The following PIEZO2 variants were observed in gnomAD, a reference collection of about 807,000 sequenced individuals.
PIEZO2 encodes piezo-type mechanosensitive ion channel component 2.
In PIEZO2, 172 loss-of-function variants were observed where a neutral mutation model predicts 337.3. The ratio of observed to expected loss-of-function variants is 0.51; its 90% confidence interval spans 0.45 to 0.58. The LOEUF is 0.58. Among genes scored for constraint, PIEZO2 ranks in the 20% least tolerant of loss-of-function variants. PIEZO2 has a pLI of 0.00. For missense variants in PIEZO2, 3,028 were observed against 3,391.3 expected (o/e 0.89, Z 2.66); for synonymous variants, 1,251 against 1,228.5 (o/e 1.02, Z -0.38).
intron 49 of PIEZO2, among the ~76,000 whole-genome samples, chr18:10,684,076 TTTTCCTTC>T (rs1339432544): frequency 2.2e-5 from 2 of 92,398 alleles, no homozygotes; most frequent in Non-Finnish European, 4.8e-5. Context: ...CTTCCTTCCT[TTTTCCTTC>T]CTTCCTTCCT....
chr18:11,095,807 A>G (rs2146068339), intron 1 of PIEZO2, among the ~76,000 whole-genome samples: 1 of 152,338 alleles, frequency 6.6e-6, no homozygotes, highest in Non-Finnish European at 1.5e-5. Flanking sequence ...CCCGATGCAG[A>G]TGATCAGAGA....
At chr18:11,018,877 G>A (rs1423737131) in intron 2 of PIEZO2, among the ~76,000 whole-genome samples, 1 of 152,102 alleles carries the variant, frequency 6.6e-6, no homozygotes, top group Non-Finnish European at 1.5e-5. Context: ...TGTCTAAAAT[G>A]AATCTCTTAA....
chr18:10,761,179 C>T (rs543088244), intron 23 of PIEZO2, 68 bp from the exon 24 acceptor site: 2 of 1,289,216 alleles, frequency 1.6e-6, no homozygotes, highest in South Asian at 2.6e-5. Flanking sequence ...AAGCAATCCC[C>T]ACATTCTGCA....
intron 4 of PIEZO2, among the ~76,000 whole-genome samples, chr18:10,871,964 A>C (rs886819348): frequency 3.3e-5 from 5 of 152,162 alleles, no homozygotes; most frequent in Non-Finnish European, 7.3e-5. Context: ...TGAACTTAGA[A>C]GATTTGAGTT....
At chr18:11,054,832 C>A (rs2037657549) in intron 2 of PIEZO2, among the ~76,000 whole-genome samples, 1 of 152,102 alleles carries the variant, frequency 6.6e-6, no homozygotes, top group Admixed American at 6.6e-5. Flanking sequence ...ATGAGATGAT[C>A]CTGGGGTGTG....
intron 7 of PIEZO2, among the ~76,000 whole-genome samples, chr18:10,844,273 AG>A: frequency 6.6e-6 from 1 of 152,098 alleles, no homozygotes; most frequent in South Asian, 2.1e-4. Flanking sequence ...TGCGAAAATT[AG>A]CCGGGTGTGG....
Position 10,834,925 on chromosome 18 carries a change from T to C in PIEZO2, c.917+20428A>G, listed in dbSNP as rs969408408. ...TTTGTGTCCTCCAAAATTCTTAGGTTGAAGCCAAACTCCCCATGTGAAGGT... is the reference window on the plus strand; with the variant it reads ...TTTGTGTCCTCCAAAATTCTTAGGTCGAAGCCAAACTCCCCATGTGAAGGT... On this transcript the variant is annotated intron_variant, in intron 7 of 55. Transcript: ENST00000674853. This position sits in a 1 kb window ranked among gnomAD's most constrained non-coding sequence, Gnocchi z 4.5. Among the ~76,000 whole-genome samples, 1 of 152,220 alleles carries C rather than the reference T, an allele frequency of 6.6e-6. No homozygotes were observed. The highest frequency in any genetic ancestry group is 2.4e-5 in the African/African-American group (1 of 41,448).
chr18:10,696,459 T>A lies in PIEZO2; in HGVS notation c.6908A>T (p.Tyr2303Phe), dbSNP rs1199816242. The stretch of plus-strand genomic sequence containing the variant: ...AGTGTCAGCCAGGAACATGAGTACA[T>A]ACACGTCAGTCACGGCGCTATACTC... ...HPEYSAVTDV[Y>F]VLMFLADTVD... The change falls in exon 46 of 56, where the codon TAT becomes TTT. Residue 2303 changes from tyrosine (Y) to phenylalanine (F), a missense_variant. Transcript: ENST00000674853. The A allele has an allele frequency of 6.2e-7, 1 of 1,614,164 alleles. No homozygotes were observed. Among genetic ancestry groups the A allele is most frequent in the African/African-American group, 1.3e-5 (1 of 75,034 alleles).
At chr18:10,760,569 T>C (rs915558895) in intron 24 of PIEZO2, among the ~76,000 whole-genome samples, 1 of 152,196 alleles carries the variant, frequency 6.6e-6, no homozygotes, top group Non-Finnish European at 1.5e-5. Context: ...CCTCCCAAAG[T>C]GCTGGGATTA....
At position 10,974,854 on chromosome 18, in the gene PIEZO2, A is replaced by T. The variant is rs1276362320; in HGVS notation, c.286+4681T>A. On this transcript the variant is annotated intron_variant, in intron 3 of 55. Transcript: ENST00000674853. ...GCCAGGAGACCAGCCTCTTGATGTA[A>T]ATCAGAGGATTTCGCTGCTTCCCGC... is the stretch of plus-strand genomic sequence containing the variant. Among the ~76,000 whole-genome samples, 3 of 152,214 alleles carry T rather than the reference A, an allele frequency of 2.0e-5. No individual in the cohort carries two copies. In the East Asian group the frequency reaches 5.8e-4, roughly 29 times the overall value.
In PIEZO2 at chr18:11,026,587, A is replaced by T. The variant is rs571551394; in HGVS notation, c.160+39540T>A. ...ACTGTGCTCTTGCTGTTATTGGCCT[A>T]TGCTCCGTATGGAAAGAGATACATA... On this transcript the variant is annotated intron_variant, in intron 2 of 55. Coordinates refer to ENST00000674853, the MANE Select transcript of PIEZO2 (RefSeq NM_001378183.1). Among the ~76,000 whole-genome samples the T allele has an allele frequency of 2.0e-3, 306 of 152,324 alleles. 5 individuals carry two copies. Among genetic ancestry groups the T allele is most frequent in the African/African-American group, 7.0e-3 (293 of 41,570 alleles).
chr18:10,931,345 G>A lies in PIEZO2; in HGVS notation c.287-20117C>T, dbSNP rs537810617. Among the ~76,000 whole-genome samples the A allele has an allele frequency of 3.4e-3, 515 of 152,098 alleles. 3 individuals are homozygous for A. Among genetic ancestry groups the A allele is most frequent in the African/African-American group, 0.011 (476 of 41,502 alleles). ...CTCCCAAGTAGCTGGGACTACAGGC[G>A]CCTGCCACCACGCCCAGCTAATTTT... On this transcript the variant is annotated intron_variant, in intron 3 of 55. Transcript: ENST00000674853.
Position 10,861,044 on chromosome 18 carries a change from C to CA in PIEZO2, c.493-3834dup, listed in dbSNP as rs1196889135. On this transcript the variant is annotated intron_variant, in intron 5 of 55. Transcript: ENST00000674853. The surrounding 1 kb of genome is among the most constrained non-coding windows in gnomAD (Gnocchi z 4.3). ...GGTCAGGGCCAGAACTGCCATTAGT[C>CA]ACGTCAGGCTGGCTTATTAACAGGC... is the stretch of plus-strand genomic sequence containing the variant. 6.6e-6 allele frequency among the ~76,000 whole-genome samples: 1 copy of CA among 152,222 alleles called. No individual in the cohort carries two copies. Among genetic ancestry groups the CA allele is most frequent in the Admixed American group, 6.5e-5 (1 of 15,282 alleles).
At position 10,672,893 on chromosome 18, in the gene PIEZO2, A is replaced by C. The variant is rs774623386; in HGVS notation, c.8162-20T>G. On this transcript the variant is annotated intron_variant, in intron 54 of 55. Transcript: ENST00000674853. The surrounding 1 kb of genome is among the most constrained non-coding windows in gnomAD (Gnocchi z 4.7). ...TATTTTCTAGAAGGGTAGAAATGCA[A>C]AATTAAGTTGACATGAGAATTTTAG... 9 of 1,571,052 alleles carry C rather than the reference A, an allele frequency of 5.7e-6. No homozygotes were observed. The highest frequency in any genetic ancestry group is 7.8e-6 in the Non-Finnish European group (9 of 1,154,574).
intron 49 of PIEZO2, among the ~76,000 whole-genome samples, chr18:10,686,155 G>A (rs1022833451): frequency 6.6e-5 from 10 of 152,110 alleles, no homozygotes; most frequent in Non-Finnish European, 1.2e-4. Flanking sequence ...CCTCCAAGAC[G>A]CTGCCTCCAG....
Position 11,002,951 on chromosome 18 carries a change from G to C in PIEZO2, c.161-23291C>G, listed in dbSNP as rs1947949. Reference sequence around the variant, plus strand: ...TAGTAGAATCAGTTGATTAACCAGTGCCACTCAAACAGAGGAAGTGAGGCA... The same window carrying C: ...TAGTAGAATCAGTTGATTAACCAGTCCCACTCAAACAGAGGAAGTGAGGCA... On this transcript the variant is annotated intron_variant, in intron 2 of 55. Coordinates refer to ENST00000674853, the MANE Select transcript of PIEZO2 (RefSeq NM_001378183.1). This position sits in a 1 kb window ranked among gnomAD's most constrained non-coding sequence, Gnocchi z 4.3. Among the ~76,000 whole-genome samples the C allele has an allele frequency of 0.56, 85,481 of 152,154 alleles. 24,637 individuals carry two copies. Among genetic ancestry groups the C allele is most frequent in the African/African-American group, 0.68 (28,153 of 41,504 alleles).
At chr18:11,039,596 C>T (rs1470756094) in intron 2 of PIEZO2, among the ~76,000 whole-genome samples, 1 of 152,028 alleles carries the variant, frequency 6.6e-6, no homozygotes, top group African/African-American at 2.4e-5. Flanking sequence ...ATATGATCCA[C>T]ATGTAATAGA....
At chr18:10,936,511 G>A (rs1050593579) in intron 3 of PIEZO2, among the ~76,000 whole-genome samples, 47 of 152,232 alleles carry the variant, frequency 3.1e-4, no homozygotes, top group African/African-American at 6.5e-4. Context: ...CAGGGCTACC[G>A]ATGCGAAAAT....
rs1315933286 is a variant in PIEZO2 at position 10,855,561 on chromosome 18, T to C, written c.709A>G (p.Met237Val). 2.6e-6 allele frequency: 4 copies of C among 1,535,772 alleles called. No homozygotes were observed. The South Asian group carries it at 4.8e-5, about 18-fold the overall frequency. ...VTILLGSSGM[M>V]LPSLTSSVYF... The stretch of plus-strand genomic sequence containing the variant: ...ACAGATGATGTCAAAGACGGCAACA[T>C]CATGCCTAAGGAAGAGAAACGTAAT... The change falls in exon 7 of 56, where the codon ATG becomes GTG. Residue 237 changes from methionine (M) to valine (V), a missense_variant. Physicochemically the swap from Met to Val is conservative, Grantham distance 21. Around this residue, in one of 5 missense-constraint regions of PIEZO2, gnomAD observed 542 missense variants for 605.6 expected, o/e 0.89. Coordinates refer to ENST00000674853, the MANE Select transcript of PIEZO2 (RefSeq NM_001378183.1). This position sits in a 1 kb window ranked among gnomAD's most constrained non-coding sequence, Gnocchi z 4.9.
Sources: allele counts gnomAD v4.1 joint callset (sites outside exome capture counted in the v4.1 genomes callset), GRCh38; gene constraint gnomAD v4.1.1; regional missense constraint gnomAD v4.1.1; non-coding constraint Gnocchi (gnomAD v3.1); transcripts MANE v1.5; gene names NCBI Gene and HGNC (gene_info 2026-07-23, HGNC 2026-07-21).